Variants in CATSPERE observed in about 807,000 individuals in gnomAD.
CATSPERE encodes the protein catsper channel auxiliary subunit epsilon.
A neutral mutation model predicts 114.1 loss-of-function variants in CATSPERE; 93 were observed. The ratio of observed to expected loss-of-function variants is 0.81; its 90% CI spans 0.69 to 0.97. The LOEUF (loss-of-function observed/expected upper bound fraction) is 0.97. Among genes scored for constraint, CATSPERE ranks in the 50% least tolerant of loss-of-function variants. The probability of loss-of-function intolerance (pLI) is 0.00; values close to 1 mark genes in which losing one functional copy is unlikely to be tolerated. For missense variants in CATSPERE, 1,058 were observed against 1,131.6 expected (o/e 0.93, Z 0.93); for synonymous variants, 341 against 384.1 (o/e 0.89, Z 1.31).
chr1:244,546,571 G>A (rs536204830), intron 8 of CATSPERE, among the ~76,000 whole-genome samples: 1 of 152,112 alleles, frequency 6.6e-6, no homozygotes, highest in African/African-American at 2.4e-5. Context: ...TGCACTTCAA[G>A]AAAATACAGA....
rs370655677 is a variant in CATSPERE at position 244,572,490 on chromosome 1, G to A, written c.1668G>A (p.Leu556=). 2 of 1,613,940 alleles carry A rather than the reference G, an allele frequency of 1.2e-6. No homozygotes were observed. The highest frequency in any genetic ancestry group is 1.6e-4 in the Middle Eastern group (1 of 6,082). ...GTCAAACATATTTCCTGTATGCTTT[G>A]GATGATGGCACAATACAAATACAGG... ...TSGQTYFLYA[L]DDGTIQIQDY... The change falls in exon 11 of 22, where the codon TTG becomes TTA. Residue 556 remains leucine (L), a synonymous_variant. Transcript: ENST00000366534.
At chr1:244,605,048 G>A (rs114600343) in intron 17 of CATSPERE, among the ~76,000 whole-genome samples, 148 of 152,264 alleles carry the variant, frequency 9.7e-4, no homozygotes, top group African/African-American at 3.4e-3. Flanking sequence ...TACAGGCTAC[G>A]TCTGCTTCTC....
At chr1:244,588,049 C>T (rs1044578442) in intron 13 of CATSPERE, among the ~76,000 whole-genome samples, 16 of 152,054 alleles carry the variant, frequency 1.1e-4, no homozygotes, top group Non-Finnish European at 2.1e-4. Context: ...ACAAAATTAG[C>T]TGGGCGTGGT....
At chr1:244,617,402 G>A in intron 19 of CATSPERE, 127 bp from the exon 20 acceptor site, 1 of 687,502 alleles carries the variant, frequency 1.5e-6, no homozygotes, top group Non-Finnish European at 2.3e-6. Flanking sequence ...AAAGAGCACT[G>A]CAGGGGTAAA....
chr1:244,523,987 C>A (rs1572553073), intron 8 of CATSPERE, among the ~76,000 whole-genome samples: 1 of 148,514 alleles, frequency 6.7e-6, no homozygotes, highest in Admixed American at 6.7e-5. Flanking sequence ...GAAAAAACTA[C>A]TTTAAAGTTC....
At chr1:244,474,039 T>G (rs1668884342) in intron 2 of CATSPERE, among the ~76,000 whole-genome samples, 1 of 152,046 alleles carries the variant, frequency 6.6e-6, no homozygotes, top group Non-Finnish European at 1.5e-5. Context: ...TTTTGCTTTT[T>G]TTTTGTTTTT....
At chr1:244,472,083 T>C (rs985901648) in intron 2 of CATSPERE, among the ~76,000 whole-genome samples, 10 of 152,244 alleles carry the variant, frequency 6.6e-5, no homozygotes, top group Non-Finnish European at 1.3e-4. Context: ...CTCAGCCTCC[T>C]GAGTAGCTGG....
chr1:244,543,699 C>G (rs959345237), intron 8 of CATSPERE, among the ~76,000 whole-genome samples: 1 of 148,222 alleles, frequency 6.7e-6, no homozygotes, highest in Non-Finnish European at 1.5e-5. Flanking sequence ...GTAGGAACTC[C>G]CCAGTGTGCA....
chr1:244,467,800 A>G lies in CATSPERE; in HGVS notation c.114+3844A>G, dbSNP rs918948119. ...ATAAGTGCATTGTGTCTACATGTCA[A>G]CACAAAACAATATGGATGAATCTCA... On this transcript the variant is annotated intron_variant, in intron 2 of 21. Transcript: ENST00000366534. 3.9e-5 allele frequency among the ~76,000 whole-genome samples: 6 copies of G among 152,380 alleles called. No individual in the cohort carries two copies. In the East Asian group the frequency reaches 9.6e-4, roughly 24 times the overall value.
intron 21 of CATSPERE, among the ~76,000 whole-genome samples, chr1:244,635,776 G>C (rs1177918870): frequency 6.6e-6 from 1 of 152,132 alleles, no homozygotes; most frequent in Non-Finnish European, 1.5e-5. Flanking sequence ...AAAGTCAATG[G>C]TTTTAATAAG....
At chr1:244,462,795 T>A (rs1667018847) in intron 1 of CATSPERE, among the ~76,000 whole-genome samples, 1 of 152,232 alleles carries the variant, frequency 6.6e-6, no homozygotes, top group South Asian at 2.1e-4. Context: ...TATTAAGGCT[T>A]GTATAATTCT....
At position 244,625,295 on chromosome 1, in the gene CATSPERE, C is replaced by A. The variant is rs57607794; in HGVS notation, c.2648+7609C>A. Among the ~76,000 whole-genome samples the A allele has an allele frequency of 9.0e-3, 1,354 of 149,760 alleles. 5 individuals carry two copies. The highest frequency in any genetic ancestry group is 0.038 in the Middle Eastern group (11 of 292). On this transcript the variant is annotated intron_variant, in intron 20 of 21. Transcript: ENST00000366534. ...AAACAACATTGATCTTGAACACCTC[C>A]ATCTGAGCTCTTGGGTGACCAGGTG...
intron 17 of CATSPERE, among the ~76,000 whole-genome samples, chr1:244,594,936 T>G (rs1445089074): frequency 2.0e-5 from 3 of 152,136 alleles, no homozygotes; most frequent in Non-Finnish European, 4.4e-5. Context: ...CTGCTTGCTT[T>G]CTTAGTTTTG....
intron 11 of CATSPERE, among the ~76,000 whole-genome samples, chr1:244,576,845 A>C (rs1375313619): frequency 6.6e-6 from 1 of 152,240 alleles, no homozygotes; most frequent in Non-Finnish European, 1.5e-5. Flanking sequence ...CAGTGAAAGC[A>C]GAGAATAATA....
chr1:244,489,756 C>G (rs953404918), intron 5 of CATSPERE, among the ~76,000 whole-genome samples: 57 of 152,042 alleles, frequency 3.7e-4, no homozygotes, highest in Non-Finnish European at 6.9e-4. Context: ...AGGGAGAAAA[C>G]TTTAACTGCC....
intron 8 of CATSPERE, among the ~76,000 whole-genome samples, chr1:244,546,224 C>T (rs2148477631): frequency 6.6e-6 from 1 of 152,250 alleles, no homozygotes; most frequent in Non-Finnish European, 1.5e-5. Flanking sequence ...TGGTGCTGTA[C>T]CAACTGTGAT....
At chr1:244,561,468 C>G (rs1276467151) in intron 10 of CATSPERE, among the ~76,000 whole-genome samples, 1 of 152,040 alleles carries the variant, frequency 6.6e-6, no homozygotes, top group East Asian at 1.9e-4. Flanking sequence ...CCTGGGGCTC[C>G]CGTAACAAAG....
At chr1:244,571,762 A>G (rs1664497606) in intron 10 of CATSPERE, among the ~76,000 whole-genome samples, 1 of 152,160 alleles carries the variant, frequency 6.6e-6, no homozygotes, top group Non-Finnish European at 1.5e-5. Flanking sequence ...ATGAGGCCTC[A>G]GTTCCTGGCT....
chr1:244,607,795 T>C lies in CATSPERE; in HGVS notation c.2403+2001T>C, dbSNP rs1670191799. On this transcript the variant is annotated intron_variant, in intron 18 of 21. Transcript: ENST00000366534. This position sits in a 1 kb window ranked among gnomAD's most constrained non-coding sequence, Gnocchi z 4.4. Reference sequence around the variant, plus strand: ...TCAGAACCATCTAACCAGGGACATCTGCACTGGGCTATATGTGATCAAGAA... The same window carrying C: ...TCAGAACCATCTAACCAGGGACATCCGCACTGGGCTATATGTGATCAAGAA... 2.0e-5 allele frequency among the ~76,000 whole-genome samples: 3 copies of C among 152,246 alleles called. No individual in the cohort carries two copies. The highest frequency in any genetic ancestry group is 7.2e-5 in the African/African-American group (3 of 41,462).
Sources: allele counts gnomAD v4.1 joint callset (sites outside exome capture counted in the v4.1 genomes callset), GRCh38; gene constraint gnomAD v4.1.1; non-coding constraint Gnocchi (gnomAD v3.1); transcripts MANE v1.5; gene names NCBI Gene and HGNC (gene_info 2026-07-23, HGNC 2026-07-21).